The following RGS12 variants were observed in gnomAD, a reference collection of about 807,000 sequenced individuals.
RGS12 encodes regulator of G-protein signaling 12.
In RGS12, 66 loss-of-function variants were observed where a neutral mutation model predicts 120.1. That is an observed-to-expected ratio of 0.55 (90% CI 0.45 to 0.67). RGS12 has a LOEUF of 0.67. Ranked by LOEUF, RGS12 falls within the 30% of genes least tolerant of loss-of-function variation. RGS12 has a pLI of 0.00. For synonymous variants in RGS12, 827 were observed against 804.7 expected (o/e 1.03, Z -0.47); for missense variants, 1,859 against 1,957.7 (o/e 0.95, Z 0.95).
intron 2 of RGS12, among the ~76,000 whole-genome samples, chr4:3,327,930 A>G (rs111843942): frequency 2.6e-5 from 4 of 152,244 alleles, no homozygotes; most frequent in Non-Finnish European, 5.9e-5. Context: ...TCAAAAAGAT[A>G]CCTGCACTCT....
At chr4:3,423,429 G>T in intron 12 of RGS12, 86 bp from the exon 13 acceptor site, 1 of 1,561,666 alleles carries the variant, frequency 6.4e-7, no homozygotes. Flanking sequence ...GGGCGGCCTG[G>T]GGCTGTGCTG....
chr4:3,431,277 G>C (rs140569273), intron 17 of RGS12: 50 of 1,191,612 alleles, frequency 4.2e-5, no homozygotes, highest in Non-Finnish European at 5.2e-5. Context: ...GGGGGTTTCC[G>C]AAAATGGAGG....
chr4:3,438,561 T>C (rs913598478), intron 17 of RGS12, among the ~76,000 whole-genome samples: 1 of 151,832 alleles, frequency 6.6e-6, no homozygotes, highest in African/African-American at 2.4e-5. Context: ...CCGTTCACTT[T>C]CCTTGGCCCC....
At chr4:3,321,715 C>T (rs1332251508) in intron 2 of RGS12, among the ~76,000 whole-genome samples, 2 of 152,220 alleles carry the variant, frequency 1.3e-5, no homozygotes, top group East Asian at 3.8e-4. Flanking sequence ...CAGCTCCTCC[C>T]CCCAGTGGAC....
intron 3 of RGS12, chr4:3,370,247 A>G (rs188377633): frequency 6.2e-7 from 1 of 1,613,784 alleles, no homozygotes; most frequent in East Asian, 2.2e-5. Context: ...CCGGGTGCCT[A>G]GTGTGGCTCG....
chr4:3,347,135 A>G (rs1447682871), intron 3 of RGS12, among the ~76,000 whole-genome samples: 1 of 152,182 alleles, frequency 6.6e-6, no homozygotes, highest in African/African-American at 2.4e-5. Flanking sequence ...GCTGTAAGTT[A>G]TAAACAGTTT....
At position 3,372,827 on chromosome 4, in the gene RGS12, T is replaced by G. The variant is rs1157733093; in HGVS notation, c.1999-13589T>G. Among the ~76,000 whole-genome samples the G allele has an allele frequency of 6.6e-6, 1 of 152,224 alleles. No individual in the cohort carries two copies. The highest frequency in any genetic ancestry group is 1.9e-4 in the East Asian group (1 of 5,200). ...GCTGCCAGAGCGTGACAGAAAGAAC[T>G]TTCTAGAGACCACAGGGCTTCTCTC... On this transcript the variant is annotated intron_variant, in intron 3 of 17. Coordinates refer to ENST00000336727, the MANE Select transcript of RGS12 (RefSeq NM_001394154.1). This position sits in a 1 kb window ranked among gnomAD's most constrained non-coding sequence, Gnocchi z 4.3.
In RGS12 at chr4:3,423,546, G is replaced by A. The variant is rs1723265837; in HGVS notation, c.3139G>A (p.Gly1047Arg). 1.9e-6 allele frequency: 3 copies of A among 1,612,936 alleles called. No individual in the cohort carries two copies. The highest frequency in any genetic ancestry group is 1.1e-5 in the South Asian group (1 of 91,084). ...LDLVPINRSVGLKAKPTKPVT... is the reference protein window; with the variant it reads ...LDLVPINRSVRLKAKPTKPVT... The stretch of plus-strand genomic sequence containing the variant: ...TCTTGTTCCGATTAACCGGTCAGTG[G>A]GACTCAAGGCCAAGCCCACCAAGCC... The change falls in exon 13 of 18, where the codon GGA becomes AGA. Residue 1047 changes from glycine (G) to arginine (R), a missense_variant. By Grantham distance (125) the Gly-to-Arg change is moderately radical. Transcript: ENST00000336727.
At chr4:3,381,092 G>T (rs373201696) in intron 3 of RGS12, among the ~76,000 whole-genome samples, 9 of 152,200 alleles carry the variant, frequency 5.9e-5, no homozygotes, top group East Asian at 5.8e-4. Context: ...TCAAAGTTCC[G>T]CAGATATCTA....
chr4:3,362,457 C>CGAGGGTGTGTGT (rs1240677437), intron 3 of RGS12, among the ~76,000 whole-genome samples: 1 of 117,694 alleles, frequency 8.5e-6, no homozygotes, highest in South Asian at 3.1e-4. Context: ...TGTGAGGGTG[C>CGAGGGTGTGTGT]GAGGGTGTGT....
upstream of RGS12, among the ~76,000 whole-genome samples, chr4:3,290,351 C>A (rs1722982092): frequency 6.6e-6 from 1 of 152,244 alleles, no homozygotes; most frequent in South Asian, 2.1e-4. Context: ...TCTTCCCAAA[C>A]TGAAACTGTC....
chr4:3,395,311 T>A (rs1196453430), intron 4 of RGS12, among the ~76,000 whole-genome samples: 2 of 152,174 alleles, frequency 1.3e-5, no homozygotes, highest in South Asian at 4.1e-4. Flanking sequence ...TATCAGGAGC[T>A]GTTTACTCTC....
chr4:3,431,312 G>A (rs1314579470), intron 17 of RGS12: 8 of 1,122,594 alleles, frequency 7.1e-6, no homozygotes, highest in African/African-American at 3.3e-5. Flanking sequence ...TCTGGACAGC[G>A]ATCGTTTTTA....
At chr4:3,393,837 T>C (rs1161725178) in intron 4 of RGS12, among the ~76,000 whole-genome samples, 1 of 152,128 alleles carries the variant, frequency 6.6e-6, no homozygotes, top group Non-Finnish European at 1.5e-5. Context: ...AAAACTCAGG[T>C]CATGACGGCA....
intron 2 of RGS12, among the ~76,000 whole-genome samples, chr4:3,333,659 G>C (rs973996035): frequency 3.3e-5 from 5 of 152,034 alleles, no homozygotes; most frequent in Admixed American, 3.3e-4. Flanking sequence ...TGTGCGTGTG[G>C]GTCTGTTTCT....
chr4:3,327,284 A>G (rs1294018344), intron 2 of RGS12, among the ~76,000 whole-genome samples: 1 of 152,220 alleles, frequency 6.6e-6, no homozygotes, highest in African/African-American at 2.4e-5. Flanking sequence ...CACCATACAC[A>G]AAATCAACTC....
In RGS12 at chr4:3,328,816, A is replaced by G. The variant is rs561299248; in HGVS notation, c.1881+10765A>G. On this transcript the variant is annotated intron_variant, in intron 2 of 17. Transcript: ENST00000336727. ...CTCCTGTAAACTTAGAAAACTTTTG[A>G]CCTGGCTGCCCTGGTTCTTCAAACT... Among the ~76,000 whole-genome samples, 4 of 152,230 alleles carry G rather than the reference A, an allele frequency of 2.6e-5. No homozygotes were observed. In the East Asian group the frequency reaches 7.7e-4, roughly 29 times the overall value.
chr4:3,350,740 G>T (rs1263280908), intron 3 of RGS12, among the ~76,000 whole-genome samples: 1 of 152,010 alleles, frequency 6.6e-6, no homozygotes. Flanking sequence ...GAACTAAAAA[G>T]CATTTGGGTT....
chr4:3,438,806 AG>A, intron 17 of RGS12, among the ~76,000 whole-genome samples: 1 of 152,168 alleles, frequency 6.6e-6, no homozygotes, highest in South Asian at 2.1e-4. Context: ...AAGTGGGGCA[AG>A]AGTCACTGAC....
Sources: allele counts gnomAD v4.1 joint callset (sites outside exome capture counted in the v4.1 genomes callset), GRCh38; gene constraint gnomAD v4.1.1; non-coding constraint Gnocchi (gnomAD v3.1); transcripts MANE v1.5; gene names NCBI Gene and HGNC (gene_info 2026-07-23, HGNC 2026-07-21).